The following CAPRIN1 variants were observed in gnomAD, a reference collection of about 807,000 sequenced individuals.
CAPRIN1 encodes the protein caprin-1.
In CAPRIN1, 29 loss-of-function variants were observed where a neutral mutation model predicts 100.9. That is an observed-to-expected ratio of 0.29 (90% CI 0.21 to 0.39). CAPRIN1 has a LOEUF of 0.39. Ranked by LOEUF, CAPRIN1 falls within the 10% of genes least tolerant of loss-of-function variation. The pLI is 1.00. For synonymous variants in CAPRIN1, 338 were observed against 307.5 expected (o/e 1.10, Z -1.04); for missense variants, 795 against 876.7 (o/e 0.91, Z 1.18).
At position 34,098,435 on chromosome 11, in the gene CAPRIN1, A is replaced by G. The variant is rs190328895; in HGVS notation, c.2065+674A>G. ...TCCCATTTTGGCAGGAAGTTAACCT[A>G]TTTAACAATTAGAGCTAGCATTTCA... On this transcript the variant is annotated intron_variant, in intron 18 of 18. Transcript: ENST00000341394. 22 of 985,420 alleles carry G rather than the reference A, an allele frequency of 2.2e-5. No individual in the cohort carries two copies. In the Admixed American group the frequency reaches 3.1e-4, roughly 14 times the overall value. The allele number at this position is 985,420 out of a possible 1,614,324, so 61.0% of individuals were successfully genotyped here.
intron 7 of CAPRIN1, among the ~76,000 whole-genome samples, chr11:34,082,004 G>T (rs182300970): frequency 1.6e-4 from 24 of 151,740 alleles, no homozygotes; most frequent in Admixed American, 2.6e-4. Context: ...TAGAGACGGG[G>T]TTTCACCATG....
rs1851421131 is a variant in CAPRIN1 at position 34,099,501 on chromosome 11, A to G, written c.*134A>G. 3 of 727,790 alleles carry G rather than the reference A, an allele frequency of 4.1e-6. No individual in the cohort carries two copies. The South Asian group carries it at 4.9e-5, about 12-fold the overall frequency. 45.1% of individuals were successfully genotyped at this position (727,790 alleles called of 1,614,324 possible). A position where few individuals can be genotyped will look rare whatever the true frequency, so the allele number is the denominator to read the frequency against. On this transcript the variant is annotated 3_prime_UTR_variant, in exon 19 of 19. Transcript: ENST00000341394. ...TGTAAAGGGACTGTTTTCATCCCAT[A>G]AAGACAGGACTACAATTGTCAGCTT...
rs745997972 is a variant in CAPRIN1 at position 34,090,168 on chromosome 11, C to CT, written c.1294-9dup. ...GCAGGAAGAAGCTTTTATTTCTTTA[C>CT]TTATGTCTAGGTTCCTTTGGTATCA... On this transcript the variant is annotated splice_polypyrimidine_tract_variant and intron_variant, in intron 12 of 18. Coordinates refer to ENST00000341394, the MANE Select transcript of CAPRIN1 (RefSeq NM_005898.5). 56 of 1,558,626 alleles carry CT rather than the reference C, an allele frequency of 3.6e-5. No homozygotes were observed. The highest frequency in any genetic ancestry group is 4.9e-5 in the Non-Finnish European group (56 of 1,133,330).
Position 34,097,718 on chromosome 11 carries a change from C to G in CAPRIN1, c.2022C>G (p.Phe674Leu). Residue 674 changes from phenylalanine (F) to leucine (L), a missense_variant, in exon 18 of 19, where the codon TTC (phenylalanine) becomes TTG (leucine). By Grantham distance (22) the Phe-to-Leu change is conservative (BLOSUM62 0). Transcript: ENST00000341394. ...GYQRDGYQQNFKRGSGQSGPR... is the reference protein window; with the variant it reads ...GYQRDGYQQNLKRGSGQSGPR... ...TTTAGGATGGATATCAGCAGAATTT[C>G]AAGCGAGGCTCTGGGCAGAGTGGAC... The G allele has an allele frequency of 6.2e-7, 1 of 1,614,090 alleles. No individual in the cohort carries two copies. The highest frequency in any genetic ancestry group is 1.1e-5 in the South Asian group (1 of 91,086).
Position 34,090,676 on chromosome 11 carries a change from A to G in CAPRIN1, c.1552A>G (p.Thr518Ala). The G allele has an allele frequency of 6.2e-7, 1 of 1,612,032 alleles. No homozygotes were observed. The highest frequency in any genetic ancestry group is 8.5e-7 in the Non-Finnish European group (1 of 1,178,352). The change falls in exon 14 of 19, where the codon ACG (threonine) becomes GCG (alanine). Residue 518 changes from threonine (T) to alanine (A), a missense_variant and splice_region_variant. Thr to Ala is a moderately conservative substitution (Grantham distance 58, BLOSUM62 0). Transcript: ENST00000341394. ...VNAAPFQSMQ[T>A]VFNMNAPVPP... is the part of the protein sequence containing the mutation. ...TGCAGCTCCATTCCAATCCATGCAA[A>G]CGGTAAGCAAATTAACTAACATTAA... is the stretch of plus-strand genomic sequence containing the variant.
chr11:34,090,196 C>T lies in CAPRIN1; in HGVS notation c.1311C>T (p.Ser437=). ...PEATQVPLVS[S]TSEGYTASQP... Reference sequence around the variant, plus strand: ...ATGTCTAGGTTCCTTTGGTATCATCCACAAGTGAGGGGTACACAGCATCTC... The same window carrying T: ...ATGTCTAGGTTCCTTTGGTATCATCTACAAGTGAGGGGTACACAGCATCTC... Residue 437 remains serine (S), a synonymous_variant, in exon 13 of 19, where the codon TCC becomes TCT. Transcript: ENST00000341394. 1.9e-6 allele frequency: 3 copies of T among 1,611,460 alleles called. No homozygotes were observed. Among genetic ancestry groups the T allele is most frequent in the Non-Finnish European group, 2.5e-6 (3 of 1,177,884 alleles).
chr11:34,072,574 A>G (rs1850823972), intron 4 of CAPRIN1, among the ~76,000 whole-genome samples: 1 of 152,206 alleles, frequency 6.6e-6, no homozygotes, highest in African/African-American at 2.4e-5. Flanking sequence ...TCTCTGCTTT[A>G]GGAACCTTAA....
intron 2 of CAPRIN1, among the ~76,000 whole-genome samples, chr11:34,062,894 C>A (rs1356632684): frequency 6.6e-6 from 1 of 152,016 alleles, no homozygotes; most frequent in Non-Finnish European, 1.5e-5. Flanking sequence ...GATGTTTCCT[C>A]CTAATCTTCC....
chr11:34,090,715 A>G (rs774498922), intron 14 of CAPRIN1, 37 bp downstream of exon 14: 2 of 1,578,706 alleles, frequency 1.3e-6, no homozygotes, highest in South Asian at 2.2e-5. Context: ...CCTAGTATGT[A>G]ATATGAATCA....
intron 6 of CAPRIN1, among the ~76,000 whole-genome samples, chr11:34,077,170 A>C (rs111361398): frequency 6.6e-6 from 1 of 152,232 alleles, no homozygotes; most frequent in African/African-American, 2.4e-5. Context: ...AAATCAGAAC[A>C]CCAGCAACAA....
chr11:34,099,967 G>C lies in CAPRIN1; in HGVS notation c.*600G>C, dbSNP rs1660492343. 6.6e-6 allele frequency: 1 copy of C among 152,614 alleles called. No individual in the cohort carries two copies. The highest frequency in any genetic ancestry group is 1.5e-5 in the Non-Finnish European group (1 of 68,098). The allele number at this position is 152,614 out of a possible 1,614,324, so 9.5% of individuals were successfully genotyped here. ...ACTGTTCATCTGGCCAAACAACTGT[G>C]GTTAAAAACACATGTAAAATGCTTT... On this transcript the variant is annotated 3_prime_UTR_variant, in exon 19 of 19. Coordinates refer to ENST00000341394, the MANE Select transcript of CAPRIN1 (RefSeq NM_005898.5).
intron 2 of CAPRIN1, among the ~76,000 whole-genome samples, chr11:34,061,908 C>T (rs1850586998): frequency 6.9e-6 from 1 of 145,848 alleles, no homozygotes. Flanking sequence ...GAGGCAGAGG[C>T]TGCATGAGCC....
intron 7 of CAPRIN1, among the ~76,000 whole-genome samples, chr11:34,080,792 T>C (rs950219254): frequency 1.3e-5 from 2 of 152,240 alleles, no homozygotes; most frequent in Non-Finnish European, 1.5e-5. Flanking sequence ...TTAGAAAATA[T>C]GTCAAGTGTG....
chr11:34,071,037 C>T (rs1850795857), intron 2 of CAPRIN1, among the ~76,000 whole-genome samples: 1 of 152,176 alleles, frequency 6.6e-6, no homozygotes, highest in African/African-American at 2.4e-5. Flanking sequence ...CACATGAATT[C>T]TTTGGGGAGA....
intron 9 of CAPRIN1, 127 bp downstream of exon 9, chr11:34,083,168 C>A: frequency 1.5e-6 from 1 of 658,558 alleles, no homozygotes; most frequent in Non-Finnish European, 2.7e-6. Flanking sequence ...AGACTCATTA[C>A]ACCAGACTGT....
chr11:34,089,606 T>A (rs1184517593), intron 12 of CAPRIN1, 150 bp downstream of exon 12: 3 of 375,334 alleles, frequency 8.0e-6, no homozygotes, highest in East Asian at 4.0e-5. Context: ...ATCTCTATTT[T>A]AAAAAAATAA....
Position 34,079,824 on chromosome 11 carries a change from A to G in CAPRIN1, c.826+59A>G, listed in dbSNP as rs567334826. 8.0e-6 allele frequency: 12 copies of G among 1,499,996 alleles called. No homozygotes were observed. The South Asian group carries it at 8.4e-5, about 11-fold the overall frequency. 92.9% of individuals were successfully genotyped at this position (1,499,996 alleles called of 1,614,324 possible). On this transcript the variant is annotated intron_variant, in intron 7 of 18. Coordinates refer to ENST00000341394, the MANE Select transcript of CAPRIN1 (RefSeq NM_005898.5). ...GGTCCTGGTTTTATTTGATTTTGCT[A>G]CAAATTTAAACTATACACTTACTTA... is the stretch of plus-strand genomic sequence containing the variant.
At chr11:34,072,020 T>C in intron 4 of CAPRIN1, 33 bp downstream of exon 4, 1 of 1,402,956 alleles carries the variant, frequency 7.1e-7, no homozygotes, top group Non-Finnish European at 1.0e-6. Flanking sequence ...ATTTATGAAA[T>C]ACTTTTGTTG....
intron 2 of CAPRIN1, among the ~76,000 whole-genome samples, 164 bp from the exon 3 acceptor site, chr11:34,071,562 T>C (rs1850804905): frequency 6.6e-6 from 1 of 150,898 alleles, no homozygotes; most frequent in South Asian, 2.1e-4. Flanking sequence ...AAACTCTGTC[T>C]CAAAAAAAAA....
Sources: gnomAD v4.1 joint callset for allele counts (sites outside exome capture counted in the v4.1 genomes callset) on GRCh38, gnomAD v4.1.1 for gene constraint, MANE v1.5 for transcripts, NCBI Gene and HGNC (gene_info 2026-07-23, HGNC 2026-07-21) for gene names.